The following COL6A6 variants were observed in gnomAD, a reference collection of about 807,000 sequenced individuals.
COL6A6 encodes collagen type VI alpha 6 chain, also known as collagen alpha-6(VI) chain.
In COL6A6, 183 loss-of-function variants were observed where a neutral mutation model predicts 208.6. That is an observed-to-expected ratio of 0.88 (90% CI 0.78 to 0.99). The LOEUF is 0.99. Ranked by LOEUF, COL6A6 falls within the 50% of genes least tolerant of loss-of-function variation. The pLI, the probability that COL6A6 is intolerant of heterozygous loss-of-function variation, is 0.00. For synonymous variants in COL6A6, 973 were observed against 1,011.8 expected (o/e 0.96, Z 0.73); for missense variants, 2,816 against 2,815.2 (o/e 1.00, Z -0.01).
chr3:130,615,410 T>G (rs2064488060), intron 23 of COL6A6, among the ~76,000 whole-genome samples: 1 of 152,234 alleles, frequency 6.6e-6, no homozygotes, highest in Admixed American at 6.5e-5. Context: ...GAATGAATAT[T>G]CTGTTGTTTT....
In COL6A6 at chr3:130,589,168, C is replaced by T; in HGVS notation, c.4204C>T (p.Pro1402Ser). Residue 1402 changes from proline to serine, a missense_variant, in exon 12 of 37, where the codon CCA becomes TCA. Pro to Ser is a moderately conservative substitution (Grantham distance 74). Coordinates refer to ENST00000358511, the MANE Select transcript of COL6A6 (RefSeq NM_001102608.3). ...GGDGTMGDPG[P>S]PGKRGPPGFK... ...AGATGGCACAATGGGAGATCCTGGA[C>T]CACCAGGGAAAAGGGTGATTTTAGC... 6.2e-7 allele frequency: 1 copy of T among 1,612,642 alleles called. No homozygotes were observed. Among genetic ancestry groups the T allele is most frequent in the Non-Finnish European group, 8.5e-7 (1 of 1,178,736 alleles).
At chr3:130,537,998 GA>G (rs2062264379) in intron 1 of COL6A6, among the ~76,000 whole-genome samples, 2 of 151,740 alleles carry the variant, frequency 1.3e-5, no homozygotes, top group African/African-American at 4.8e-5. Flanking sequence ...TCCAGTGAAA[GA>G]TAATTACACA....
At chr3:130,660,471 C>G (rs16830731) in intron 34 of COL6A6, among the ~76,000 whole-genome samples, 1 of 152,080 alleles carries the variant, frequency 6.6e-6, no homozygotes, top group African/African-American at 2.4e-5. Context: ...TTTGTGGCCT[C>G]TGCCTATATA....
In COL6A6 at chr3:130,617,869, A is replaced by G. The variant is rs1056451034; in HGVS notation, c.4816-3952A>G. ...TCAAGGTGTCCTTGGCAATGCCCCA[A>G]CCATTAAACCTAAACTCCCAAGTGC... On this transcript the variant is annotated intron_variant, in intron 23 of 36. Transcript: ENST00000358511. Among the ~76,000 whole-genome samples the G allele has an allele frequency of 7.9e-5, 12 of 152,282 alleles. 1 individual carries two copies. Among genetic ancestry groups the G allele is most frequent in the South Asian group, 6.2e-4 (3 of 4,830 alleles).
At chr3:130,556,992 T>A (rs183989161) in intron 1 of COL6A6, among the ~76,000 whole-genome samples, 1 of 152,348 alleles carries the variant, frequency 6.6e-6, no homozygotes, top group East Asian at 1.9e-4. Flanking sequence ...TTTACTTGTA[T>A]TTGTTAGGTC....
chr3:130,537,428 A>G (rs2107733665), intron 1 of COL6A6, among the ~76,000 whole-genome samples: 1 of 152,364 alleles, frequency 6.6e-6, no homozygotes, highest in South Asian at 2.1e-4. Context: ...AACTGTAGCC[A>G]GTCAGCCCAG....
At chr3:130,638,950 T>C (rs189747107) in intron 28 of COL6A6, among the ~76,000 whole-genome samples, 20 of 152,366 alleles carry the variant, frequency 1.3e-4, no homozygotes, top group Middle Eastern at 3.4e-3. Flanking sequence ...AGGTCCTTCA[T>C]AGGCACTAGG....
Position 130,566,998 on chromosome 3 carries a change from C to CA in COL6A6, c.1584dup (p.Ala529SerfsTer24), listed in dbSNP as rs780840044. On this transcript the variant is annotated frameshift_variant, in exon 5 of 37. Coordinates refer to ENST00000358511, the MANE Select transcript of COL6A6 (RefSeq NM_001102608.3). LOFTEE classifies it high-confidence loss of function. Reference sequence around the variant, plus strand: ...ACTGAATTTCACACTGAGTCTGTTGCAAAAAGCAAAGAAGCAGCGAGGAAA... The same window carrying CA: ...ACTGAATTTCACACTGAGTCTGTTGCAAAAAAGCAAAGAAGCAGCGAGGAAA... 3.7e-6 allele frequency: 6 copies of CA among 1,613,996 alleles called. No individual in the cohort carries two copies. Among genetic ancestry groups the CA allele is most frequent in the Non-Finnish European group, 5.1e-6 (6 of 1,179,874 alleles).
intron 23 of COL6A6, among the ~76,000 whole-genome samples, chr3:130,618,932 C>T (rs1373157090): frequency 6.6e-6 from 1 of 152,204 alleles, no homozygotes; most frequent in East Asian, 1.9e-4. Flanking sequence ...GGAGAGTAGG[C>T]TTCTAGACAG....
chr3:130,649,706 C>G, intron 33 of COL6A6, 144 bp downstream of exon 33: 1 of 816,770 alleles, frequency 1.2e-6, no homozygotes, highest in Non-Finnish European at 1.9e-6. Flanking sequence ...ATAAGTATTT[C>G]TTACTGTGTA....
At chr3:130,561,483 C>T (rs1219487818) in intron 2 of COL6A6, among the ~76,000 whole-genome samples, 2 of 152,164 alleles carry the variant, frequency 1.3e-5, no homozygotes, top group African/African-American at 4.8e-5. Context: ...AATGAAATAA[C>T]ACACAGGTCT....
chr3:130,646,206 AG>A (rs550354406), intron 32 of COL6A6, among the ~76,000 whole-genome samples: 58 of 152,118 alleles, frequency 3.8e-4, no homozygotes, highest in African/African-American at 1.2e-3. Context: ...GGATAATGTA[AG>A]GGGGGGAGAT....
intron 1 of COL6A6, among the ~76,000 whole-genome samples, chr3:130,529,607 A>G (rs186006550): frequency 6.6e-6 from 1 of 152,220 alleles, no homozygotes; most frequent in East Asian, 1.9e-4. Flanking sequence ...CCTCATTACA[A>G]TCACCTGTTT....
Position 130,661,897 on chromosome 3 carries a change from G to A in COL6A6, c.6091G>A (p.Ala2031Thr), listed in dbSNP as rs188388728. 1.1e-4 allele frequency: 174 copies of A among 1,613,992 alleles called. No individual in the cohort carries two copies. Among genetic ancestry groups the A allele is most frequent in the Non-Finnish European group, 1.4e-4 (167 of 1,179,888 alleles). The change falls in exon 35 of 37, where the codon GCT becomes ACT. Residue 2031 changes from alanine to threonine, a missense_variant. Ala to Thr is a moderately conservative substitution (Grantham distance 58). Coordinates refer to ENST00000358511, the MANE Select transcript of COL6A6 (RefSeq NM_001102608.3). Reference protein sequence around the residue: ...LPNTQKSPVRAEFNLTTYRSK... With the variant: ...LPNTQKSPVRTEFNLTTYRSK... Reference sequence around the variant, plus strand: ...CAACACTCAGAAGAGTCCAGTTAGAGCTGAGTTCAATCTTACCACCTACAG... The same window carrying A: ...CAACACTCAGAAGAGTCCAGTTAGAACTGAGTTCAATCTTACCACCTACAG...
intron 10 of COL6A6, 36 bp downstream of exon 10, chr3:130,582,104 T>A (rs367809151): frequency 8.5e-6 from 11 of 1,293,716 alleles, no homozygotes; most frequent in Non-Finnish European, 1.1e-5. Context: ...GGAGTGCTTA[T>A]TAACTTTATA....
intron 1 of COL6A6, among the ~76,000 whole-genome samples, chr3:130,538,907 T>C (rs1026675746): frequency 3.3e-5 from 5 of 152,336 alleles, no homozygotes; most frequent in South Asian, 4.1e-4. Context: ...GGGTAATGCT[T>C]GCTGCTGTAG....
In COL6A6 at chr3:130,649,268, G is replaced by A. The variant is rs1281267905; in HGVS notation, c.5439G>A (p.Val1813=). ...ATAACTCCCACGCCAGGCACCTTGT[G>A]CGCTTCTCAGACGCCTACAAGAAGA... The part of the protein sequence containing the change: ...LSYNSHARHL[V]RFSDAYKKSQ... The change falls in exon 33 of 37, where the codon GTG becomes GTA. Residue 1813 remains valine, a synonymous_variant. Transcript: ENST00000358511. 3 of 1,601,106 alleles carry A rather than the reference G, an allele frequency of 1.9e-6. No homozygotes were observed. In the East Asian group the frequency reaches 6.8e-5, roughly 36 times the overall value.
chr3:130,638,484 T>C (rs1484937), intron 28 of COL6A6, among the ~76,000 whole-genome samples: 55,817 of 152,032 alleles, frequency 0.37, 13,406 homozygotes, highest in African/African-American at 0.66. Flanking sequence ...ATACTGCAAT[T>C]GTCCTTCACC....
intron 33 of COL6A6, among the ~76,000 whole-genome samples, chr3:130,650,805 A>T (rs2108410556): frequency 6.6e-6 from 1 of 152,292 alleles, no homozygotes; most frequent in East Asian, 1.9e-4. Context: ...TTAAAAAAGA[A>T]TTTTTGAAAG....
Sources: gnomAD v4.1 joint callset for allele counts (sites outside exome capture counted in the v4.1 genomes callset) on GRCh38, gnomAD v4.1.1 for gene constraint, MANE v1.5 for transcripts, NCBI Gene and HGNC (gene_info 2026-07-23, HGNC 2026-07-21) for gene names.